The following LOC128071547 variants were observed in gnomAD, a reference collection of about 807,000 sequenced individuals.
the LOC128071547 span, chr12:120,534,955 T>G: frequency 1.9e-5 from 30 of 1,599,858 alleles, no homozygotes; most frequent in Non-Finnish European, 2.5e-5. Context: ...CCGGCGAGTC[T>G]AAACCCAAGA....
chr12:120,534,719 GCCGCCGACCC>G, the LOC128071547 span: 1 of 1,405,642 alleles, frequency 7.1e-7, no homozygotes, highest in African/African-American at 1.5e-5. Flanking sequence ...AACCGCTGCC[GCCGCCGACCC>G]CCGCCGGCCC....
chr12:120,534,744 C>G, the LOC128071547 span: 2 of 1,465,874 alleles, frequency 1.4e-6, no homozygotes, highest in Admixed American at 2.9e-5. Context: ...CGGCCCTGAA[C>G]GCCATGAGCC....
the LOC128071547 span, chr12:120,534,739 C>T: frequency 6.9e-7 from 1 of 1,459,690 alleles, no homozygotes; most frequent in Non-Finnish European, 8.9e-7. Context: ...CCCGCCGGCC[C>T]TGAACGCCAT....
the LOC128071547 span, chr12:120,534,853 C>T: frequency 6.2e-7 from 1 of 1,607,198 alleles, no homozygotes. Context: ...CCGCCTCCGA[C>T]ATGGACAAGA....
At chr12:120,534,921 C>T in the LOC128071547 span, 4 of 1,606,120 alleles carry the variant, frequency 2.5e-6, no homozygotes, top group South Asian at 4.4e-5. Context: ...CAACAGCCGC[C>T]CCGCTCCGCC....
chr12:120,534,861 A>G, the LOC128071547 span: 1 of 1,608,262 alleles, frequency 6.2e-7, no homozygotes, highest in Non-Finnish European at 8.5e-7. Context: ...GACATGGACA[A>G]GAACAGCGGC....
chr12:120,534,827 C>A, the LOC128071547 span: 5 of 1,591,842 alleles, frequency 3.1e-6, no homozygotes, highest in Non-Finnish European at 2.6e-6. Context: ...GCTGAGCTCC[C>A]CCAACGCCGC....
At chr12:120,534,726 ACCCCCGCCGG>A in the LOC128071547 span, 5 of 1,407,382 alleles carry the variant, frequency 3.6e-6, no homozygotes, top group Non-Finnish European at 4.6e-6. Flanking sequence ...GCCGCCGCCG[ACCCCCGCCGG>A]CCCTGAACGC....
At chr12:120,534,804 C>A in the LOC128071547 span, 1 of 1,566,022 alleles carries the variant, frequency 6.4e-7, no homozygotes, top group Non-Finnish European at 8.6e-7. Flanking sequence ...CCGCCGAGGC[C>A]CCCGTTGATG....
the LOC128071547 span, chr12:120,534,796 G>A: frequency 6.4e-7 from 1 of 1,554,430 alleles, no homozygotes; most frequent in African/African-American, 1.4e-5. Context: ...TGCCGTCGCC[G>A]CCGAGGCCCC....
chr12:120,534,940 G>A, the LOC128071547 span: 3 of 1,601,742 alleles, frequency 1.9e-6, no homozygotes, highest in African/African-American at 2.7e-5. Context: ...CCTCGGCGGG[G>A]CCAGCCGGCG....
chr12:120,534,825 C>A, the LOC128071547 span: 2 of 1,590,008 alleles, frequency 1.3e-6, no homozygotes, highest in Non-Finnish European at 1.7e-6. Flanking sequence ...CCGCTGAGCT[C>A]CCCCAACGCC....
At chr12:120,534,771 C>G in the LOC128071547 span, 1 of 1,527,210 alleles carries the variant, frequency 6.5e-7, no homozygotes, top group Admixed American at 2.1e-5. Flanking sequence ...CCCGCCGCGC[C>G]CGCTCCGCTC....
chr12:120,534,859 C>T, the LOC128071547 span: 1 of 1,608,164 alleles, frequency 6.2e-7, no homozygotes, highest in Non-Finnish European at 8.5e-7. Context: ...CCGACATGGA[C>T]AAGAACAGCG....
At chr12:120,534,892 T>C in the LOC128071547 span, 4 of 1,608,228 alleles carry the variant, frequency 2.5e-6, no homozygotes, top group Non-Finnish European at 3.4e-6. Context: ...CCTCCGCCTC[T>C]TCGGGCAGCA....
At chr12:120,534,831 ACGCCGC>A in the LOC128071547 span, 2 of 1,591,608 alleles carry the variant, frequency 1.3e-6, no homozygotes, top group African/African-American at 1.4e-5. Context: ...AGCTCCCCCA[ACGCCGC>A]CGCCACCGCC....
the LOC128071547 span, chr12:120,534,813 T>A: frequency 6.3e-7 from 1 of 1,574,980 alleles, no homozygotes; most frequent in Non-Finnish European, 8.6e-7. Flanking sequence ...CCCCCGTTGA[T>A]GCCGCTGAGC....
chr12:120,534,827 C>T, the LOC128071547 span: 1 of 1,591,958 alleles, frequency 6.3e-7, no homozygotes, highest in Non-Finnish European at 8.5e-7. Flanking sequence ...GCTGAGCTCC[C>T]CCAACGCCGC....
chr12:120,534,817 GCTGAGC>G, the LOC128071547 span: 1 of 1,581,074 alleles, frequency 6.3e-7, no homozygotes, highest in Non-Finnish European at 8.5e-7. Context: ...CGTTGATGCC[GCTGAGC>G]TCCCCCAACG....
Sources: gnomAD v4.1 joint callset for allele counts on GRCh38, gnomAD v4.1.1 for gene constraint, MANE v1.5 for transcripts.